The following MTHFD1L variants were observed in gnomAD, a reference collection of about 807,000 sequenced individuals.
MTHFD1L encodes methylenetetrahydrofolate dehydrogenase (NADP+ dependent) 1 like, also known as monofunctional C1-tetrahydrofolate synthase, mitochondrial.
A neutral mutation model predicts 119.5 loss-of-function variants in MTHFD1L; 81 were observed. The observed-to-expected ratio is 0.68, with a 90% CI of 0.57 to 0.82. The LOEUF is 0.82. Among genes scored for constraint, MTHFD1L ranks in the 40% least tolerant of loss-of-function variants. The pLI, the probability that MTHFD1L is intolerant of heterozygous loss-of-function variation, is 0.00. For synonymous variants in MTHFD1L, 430 were observed against 475.2 expected, an observed-to-expected ratio of 0.90 and a Z score of 1.24; for missense variants, 1,125 against 1,253.4, an observed-to-expected ratio of 0.90 and a Z score of 1.55.
chr6:150,936,123 GGGATCAGGCTTAGTGTGTA>G (rs774559660), intron 11 of MTHFD1L, among the ~76,000 whole-genome samples: 48 of 152,206 alleles, frequency 3.2e-4, no homozygotes, highest in Non-Finnish European at 5.1e-4. Flanking sequence ...CATATGGAAA[GGGATCAGGCTTAGTGTGTA>G]GGACTCCAAG....
rs1583901066 is a variant in MTHFD1L, at chr6:150,975,680, T to C, written c.2125+3622T>C. On this transcript the variant is annotated intron_variant, in intron 20 of 27. Transcript: ENST00000367321. ...CTGACAGTGGGAAGGGGAAGGTGGC[T>C]GCTTGCTTCTCTGCCACCCTTGTCT... 2.0e-5 allele frequency among the ~76,000 whole-genome samples: 3 copies of C among 152,198 alleles called. No individual in the cohort carries two copies. In the South Asian group the frequency reaches 6.2e-4, roughly 32 times the overall value.
chr6:151,055,832 C>CTGA (rs1432057284), intron 26 of MTHFD1L: 1 of 152,132 alleles, frequency 6.6e-6, no homozygotes, highest in African/African-American at 2.4e-5. Flanking sequence ...GGCCTTTGTG[C>CTGA]TGATTCTATA....
rs1391482631 is a variant in MTHFD1L, at chr6:150,885,688, T to C, written c.597T>C (p.Phe199=). The change falls in exon 6 of 28, where the codon TTT becomes TTC. Residue 199 remains phenylalanine, a synonymous_variant. Coordinates refer to ENST00000367321, the MANE Select transcript of MTHFD1L (RefSeq NM_015440.5). The stretch of plus-strand genomic sequence containing the variant: ...TGCGAGGGGATGCCCATGAATGTTT[T>C]GTTTCACCTGTTGCCAAAGCTGTAA... ...KLVRGDAHEC[F]VSPVAKAVIE... The C allele has an allele frequency of 6.2e-7, 1 of 1,614,114 alleles. No individual in the cohort carries two copies. Among genetic ancestry groups the C allele is most frequent in the Non-Finnish European group, 8.5e-7 (1 of 1,179,976 alleles).
At chr6:150,960,958 T>A (rs1011444225) in intron 18 of MTHFD1L, among the ~76,000 whole-genome samples, 1 of 152,184 alleles carries the variant, frequency 6.6e-6, no homozygotes, top group Non-Finnish European at 1.5e-5. Flanking sequence ...TAGTTCCCCT[T>A]TGAGTAGTTG....
chr6:150,991,523 T>C (rs1403905252), intron 20 of MTHFD1L, among the ~76,000 whole-genome samples: 2 of 152,230 alleles, frequency 1.3e-5, no homozygotes, highest in Non-Finnish European at 1.5e-5. Context: ...TTTGGCATTC[T>C]CAAATTTTTA....
At position 150,865,858 on chromosome 6, in the gene MTHFD1L, C is replaced by G; in HGVS notation, c.36C>G (p.Leu12=). 2 of 1,221,168 alleles carry G rather than the reference C, an allele frequency of 1.6e-6. No individual in the cohort carries two copies. The highest frequency in any genetic ancestry group is 4.0e-5 in the East Asian group (1 of 24,958). 75.6% of individuals were successfully genotyped at this position (1,221,168 alleles called of 1,614,324 possible). ...GTCTGCCGCTCGTCCTGCGCCAGCT[C>G]CGCCGCCCGCCCCAGCCCCCGGGCC... ...GTRLPLVLRQ[L]RRPPQPPGPP... Residue 12 remains leucine, a synonymous_variant, in exon 1 of 28, where the codon CTC becomes CTG. Transcript: ENST00000367321.
At chr6:151,083,749 T>G (rs758428007) in intron 26 of MTHFD1L, among the ~76,000 whole-genome samples, 6 of 152,218 alleles carry the variant, frequency 3.9e-5, no homozygotes, top group Non-Finnish European at 8.8e-5. Flanking sequence ...CATTGCATAA[T>G]GGTGACCATT....
rs113086623 is a variant in MTHFD1L, at chr6:151,039,745, T to A, written c.2847+2628T>A. On this transcript the variant is annotated intron_variant, in intron 26 of 27. Coordinates refer to ENST00000367321, the MANE Select transcript of MTHFD1L (RefSeq NM_015440.5). This position sits in a 1 kb window ranked among gnomAD's most constrained non-coding sequence, Gnocchi z 4.4. The stretch of plus-strand genomic sequence containing the variant: ...GCCTGGCCAAAATGGTGAAACCCCA[T>A]CACTACTAAAAATACAAAAATTTGC... 3.3e-5 allele frequency among the ~76,000 whole-genome samples: 5 copies of A among 152,028 alleles called. No homozygotes were observed. The highest frequency in any genetic ancestry group is 1.2e-4 in the African/African-American group (5 of 41,398).
chr6:150,890,506 G>A (rs1447006120), intron 7 of MTHFD1L, among the ~76,000 whole-genome samples: 3 of 152,138 alleles, frequency 2.0e-5, no homozygotes, highest in Non-Finnish European at 4.4e-5. Flanking sequence ...CCCTCCCTGA[G>A]CATCTTCTGG....
intron 20 of MTHFD1L, among the ~76,000 whole-genome samples, chr6:150,995,738 C>T (rs1026969286): frequency 6.6e-5 from 10 of 151,954 alleles, no homozygotes; most frequent in African/African-American, 2.2e-4. Flanking sequence ...GCAATCTCGA[C>T]TCACCGCAAC....
At chr6:150,930,381 ACC>A (rs1790827832) in intron 11 of MTHFD1L, among the ~76,000 whole-genome samples, 1 of 152,236 alleles carries the variant, frequency 6.6e-6, no homozygotes, top group Admixed American at 6.5e-5. Flanking sequence ...CTGTTATCAA[ACC>A]ATTATATGCA....
At chr6:151,008,881 C>T (rs1781778316) in intron 20 of MTHFD1L, among the ~76,000 whole-genome samples, 1 of 151,740 alleles carries the variant, frequency 6.6e-6, no homozygotes, top group African/African-American at 2.4e-5. Flanking sequence ...CTTTGGGAGG[C>T]CAAGGTGGGC....
At chr6:151,064,962 C>G (rs1438148010) in intron 26 of MTHFD1L, among the ~76,000 whole-genome samples, 1 of 152,042 alleles carries the variant, frequency 6.6e-6, no homozygotes, top group Admixed American at 6.6e-5. Flanking sequence ...CCACTACGCC[C>G]AGCTAATTTG....
intron 8 of MTHFD1L, among the ~76,000 whole-genome samples, chr6:150,911,827 C>G (rs921216977): frequency 1.2e-4 from 18 of 152,058 alleles, no homozygotes; most frequent in Non-Finnish European, 1.8e-4. Context: ...GATGCAAAAG[C>G]GGAAACCCCT....
intron 20 of MTHFD1L, among the ~76,000 whole-genome samples, chr6:150,981,762 T>C (rs1307162580): frequency 6.6e-6 from 1 of 152,162 alleles, no homozygotes; most frequent in Non-Finnish European, 1.5e-5. Flanking sequence ...TTTTCACGTG[T>C]AATAATACTC....
intron 26 of MTHFD1L, among the ~76,000 whole-genome samples, chr6:151,060,543 T>C (rs79211653): frequency 0.032 from 4,899 of 152,008 alleles, 157 homozygotes; most frequent in Admixed American, 0.099. Context: ...GCAGATGCCA[T>C]GGGGGGCTGG....
At chr6:150,985,648 G>A (rs1181896887) in intron 20 of MTHFD1L, among the ~76,000 whole-genome samples, 2 of 123,616 alleles carry the variant, frequency 1.6e-5, no homozygotes, top group African/African-American at 6.1e-5. Context: ...GTGACAGAGT[G>A]AGACTCTGTC....
At chr6:150,870,601 C>T (rs976743826) in intron 1 of MTHFD1L, among the ~76,000 whole-genome samples, 2 of 151,910 alleles carry the variant, frequency 1.3e-5, no homozygotes, top group African/African-American at 2.4e-5. Context: ...TATGCACTAG[C>T]GTTTTGTCTA....
At chr6:150,961,149 A>G (rs1225787236) in intron 18 of MTHFD1L, among the ~76,000 whole-genome samples, 1 of 142,376 alleles carries the variant, frequency 7.0e-6, no homozygotes, top group Non-Finnish European at 1.5e-5. Context: ...GCTGGAGTGC[A>G]ATGGCACGAT....
Sources: gnomAD v4.1 joint callset for allele counts (sites outside exome capture counted in the v4.1 genomes callset) on GRCh38, gnomAD v4.1.1 for gene constraint, Gnocchi (gnomAD v3.1) non-coding constraint, MANE v1.5 for transcripts, NCBI Gene and HGNC (gene_info 2026-07-23, HGNC 2026-07-21) for gene names.